The following CCDC178 variants were observed in gnomAD, a reference collection of about 807,000 sequenced individuals.
The protein encoded by CCDC178 is coiled-coil domain-containing protein 178.
Under a neutral mutation model 117.4 loss-of-function variants are expected in CCDC178, and 126 were observed. The observed-to-expected ratio is 1.07, with a 90% CI of 0.93 to 1.24. The LOEUF (loss-of-function observed/expected upper bound fraction) is 1.24, where lower values mean the gene tolerates loss of function less well. CCDC178 is among the 50% of genes most tolerant of loss of function. CCDC178 has a pLI of 0.00. For synonymous variants in CCDC178, 283 were observed against 313.4 expected (o/e 0.90, Z 1.02); for missense variants, 1,030 against 986.9 (o/e 1.04, Z -0.59).
chr18:33,429,533 T>G (rs1163951133), intron 2 of CCDC178, among the ~76,000 whole-genome samples: 1 of 152,150 alleles, frequency 6.6e-6, no homozygotes, highest in Non-Finnish European at 1.5e-5. Flanking sequence ...GAATGGCATA[T>G]AAAGCAATAA....
At chr18:32,948,721 C>A (rs548695729) in intron 22 of CCDC178, among the ~76,000 whole-genome samples, 48 of 152,138 alleles carry the variant, frequency 3.2e-4, no homozygotes, top group African/African-American at 1.1e-3. Context: ...TTTACTTATT[C>A]ATATTTTATA....
intron 21 of CCDC178, among the ~76,000 whole-genome samples, chr18:33,001,916 A>T (rs1036460476): frequency 1.3e-5 from 2 of 152,210 alleles, no homozygotes; most frequent in Non-Finnish European, 2.9e-5. Context: ...TCAGGCAAAA[A>T]CTACAAAAAG....
intron 5 of CCDC178, among the ~76,000 whole-genome samples, chr18:33,371,778 C>CAT (rs1308918383): frequency 3.9e-4 from 36 of 93,274 alleles, no homozygotes; most frequent in South Asian, 3.4e-3. Context: ...AGTTCATAAA[C>CAT]ATATATACAC....
intron 22 of CCDC178, among the ~76,000 whole-genome samples, chr18:32,959,895 T>TTTG (rs1315682362): frequency 6.6e-6 from 1 of 151,988 alleles, no homozygotes; most frequent in Non-Finnish European, 1.5e-5. Context: ...GCTGGAGTCT[T>TTTG]TTGTTGTTGT....
intron 21 of CCDC178, among the ~76,000 whole-genome samples, chr18:32,981,297 TA>T (rs146475326): frequency 3.3e-5 from 5 of 152,224 alleles, no homozygotes; most frequent in African/African-American, 4.8e-5. Context: ...AAAATGGCAT[TA>T]AAAAAATTGG....
At chr18:33,150,371 C>T (rs565939241) in intron 20 of CCDC178, among the ~76,000 whole-genome samples, 1 of 152,166 alleles carries the variant, frequency 6.6e-6, no homozygotes, top group African/African-American at 2.4e-5. Context: ...GCAATAAGAA[C>T]AAAAATAAAT....
In CCDC178 at chr18:33,389,649, C is replaced by A; in HGVS notation, c.119-20G>T. On this transcript the variant is annotated intron_variant, in intron 4 of 22. Transcript: ENST00000383096. The stretch of plus-strand genomic sequence containing the variant: ...CATTGCCTTTTAAAAAGAAAAAATA[C>A]ATATTTTAGTGAGTAGTTAATATTA... 1 of 1,306,658 alleles carries A rather than the reference C, an allele frequency of 7.7e-7. No homozygotes were observed. Among genetic ancestry groups the A allele is most frequent in the Non-Finnish European group, 1.0e-6 (1 of 965,132 alleles). The allele number at this position is 1,306,658 out of a possible 1,614,324, so 80.9% of individuals were successfully genotyped here.
At chr18:33,363,116 A>T (rs944056357) in intron 6 of CCDC178, among the ~76,000 whole-genome samples, 21 of 152,156 alleles carry the variant, frequency 1.4e-4, no homozygotes, top group Admixed American at 3.3e-4. Context: ...TTCTAAAAAA[A>T]TTTTATTTAA....
At chr18:32,986,788 A>C (rs964064924) in intron 21 of CCDC178, among the ~76,000 whole-genome samples, 3 of 152,110 alleles carry the variant, frequency 2.0e-5, no homozygotes, top group Admixed American at 6.5e-5. Context: ...AGAGTATAAA[A>C]GAATCATGGA....
chr18:33,438,562 ACAC>A (rs1206392542), intron 2 of CCDC178, among the ~76,000 whole-genome samples: 1 of 151,804 alleles, frequency 6.6e-6, no homozygotes, highest in African/African-American at 2.4e-5. Context: ...ACACACACAC[ACAC>A]AATTTGTGTT....
intron 21 of CCDC178, among the ~76,000 whole-genome samples, chr18:33,031,248 T>C (rs2144860819): frequency 6.6e-6 from 1 of 152,046 alleles, no homozygotes; most frequent in African/African-American, 2.4e-5. Context: ...GAGTTTTTTT[T>C]TTTTTTAAAT....
At chr18:33,160,188 C>G (rs2058445356) in intron 20 of CCDC178, among the ~76,000 whole-genome samples, 1 of 152,004 alleles carries the variant, frequency 6.6e-6, no homozygotes, top group Non-Finnish European at 1.5e-5. Context: ...ACATCCATTC[C>G]AAAGATCTAA....
At chr18:33,100,151 C>T (rs943710183) in intron 20 of CCDC178, among the ~76,000 whole-genome samples, 3 of 151,856 alleles carry the variant, frequency 2.0e-5, no homozygotes, top group Non-Finnish European at 2.9e-5. Flanking sequence ...GGAATACTTC[C>T]GTTAGCTGCC....
At chr18:33,140,816 G>A (rs2058194511) in intron 20 of CCDC178, among the ~76,000 whole-genome samples, 1 of 152,180 alleles carries the variant, frequency 6.6e-6, no homozygotes, top group Non-Finnish European at 1.5e-5. Flanking sequence ...AGATTTGGAT[G>A]TGCCAGGAAT....
intron 2 of CCDC178, among the ~76,000 whole-genome samples, chr18:33,423,096 T>A (rs2064053085): frequency 6.6e-6 from 1 of 152,202 alleles, no homozygotes; most frequent in Admixed American, 6.5e-5. Context: ...TATTGGTAAT[T>A]GTCTTGCTTT....
At chr18:33,263,502 A>G (rs538559048) in intron 14 of CCDC178, among the ~76,000 whole-genome samples, 22 of 152,262 alleles carry the variant, frequency 1.4e-4, no homozygotes, top group Admixed American at 5.9e-4. Flanking sequence ...AAAATCTATT[A>G]TATCATGCTG....
intron 10 of CCDC178, among the ~76,000 whole-genome samples, chr18:33,327,571 C>A (rs753882357): frequency 2.0e-5 from 3 of 152,118 alleles, no homozygotes; most frequent in Non-Finnish European, 4.4e-5. Flanking sequence ...GCATTCCCAC[C>A]AGCAAATTAC....
At chr18:33,368,780 G>A (rs2063255726) in intron 6 of CCDC178, among the ~76,000 whole-genome samples, 2 of 151,852 alleles carry the variant, frequency 1.3e-5, no homozygotes, top group Admixed American at 1.3e-4. Context: ...AGGTCTAAGA[G>A]CAATGATGTA....
In CCDC178 at chr18:33,346,299, T is replaced by C. The variant is rs1011345116; in HGVS notation, c.570A>G (p.Gln190=). Residue 190 remains glutamine (Q), a synonymous_variant, in exon 9 of 23, where the codon CAA becomes CAG. Coordinates refer to ENST00000383096, the MANE Select transcript of CCDC178 (RefSeq NM_001105528.4). ...DRADAEEALK[Q]QRSRKNMINM... ...TAATCATATTCTTTCTTGATCTCTG[T>C]TGTTTTAAAGCTTCTTCAGCGTCTG... 6.2e-7 allele frequency: 1 copy of C among 1,613,888 alleles called. No homozygotes were observed. Among genetic ancestry groups the C allele is most frequent in the Non-Finnish European group, 8.5e-7 (1 of 1,179,896 alleles).
Sources: gnomAD v4.1 joint callset for allele counts (sites outside exome capture counted in the v4.1 genomes callset) on GRCh38, gnomAD v4.1.1 for gene constraint, MANE v1.5 for transcripts, NCBI Gene and HGNC (gene_info 2026-07-23, HGNC 2026-07-21) for gene names.